Variants in EXT1 observed in about 807,000 individuals in gnomAD.
The protein encoded by EXT1 is exostosin glycosyltransferase 1.
EXT1 carries 20 observed loss-of-function variants against 82.5 expected under a neutral mutation model. That is an observed-to-expected ratio of 0.24 (90% confidence interval 0.17 to 0.35). The LOEUF (loss-of-function observed/expected upper bound fraction) is 0.35, where lower values mean the gene tolerates loss of function less well. Ranked by LOEUF, EXT1 falls within the 10% of genes least tolerant of loss-of-function variation. The pLI is 1.00. For missense variants in EXT1, 757 were observed against 936.5 expected (o/e 0.81, Z 2.50); for synonymous variants, 348 against 350.8 (o/e 0.99, Z 0.09).
At chr8:118,041,758 C>A (rs990574717) in intron 1 of EXT1, among the ~76,000 whole-genome samples, 4 of 151,750 alleles carry the variant, frequency 2.6e-5, no homozygotes, top group Non-Finnish European at 5.9e-5. Flanking sequence ...ACCAGCCTGG[C>A]CAACATGGCG....
intron 1 of EXT1, among the ~76,000 whole-genome samples, chr8:117,914,320 C>T (rs1057018137): frequency 1.3e-5 from 2 of 152,142 alleles, no homozygotes; most frequent in Non-Finnish European, 2.9e-5. Flanking sequence ...TGAGGATGTA[C>T]GTCAGGACCA....
intron 1 of EXT1, among the ~76,000 whole-genome samples, chr8:117,878,934 C>T (rs550341288): frequency 5.6e-4 from 85 of 152,302 alleles, no homozygotes; most frequent in African/African-American, 2.0e-3. Context: ...GTGAGACCCA[C>T]GCTGTAGAGC....
intron 1 of EXT1, among the ~76,000 whole-genome samples, chr8:117,948,011 G>T (rs1586303045): frequency 6.6e-6 from 1 of 152,082 alleles, no homozygotes; most frequent in Non-Finnish European, 1.5e-5. Flanking sequence ...GATGAATGAG[G>T]AAATACCTGC....
chr8:117,916,945 A>C (rs999524181), intron 1 of EXT1, among the ~76,000 whole-genome samples: 9 of 152,034 alleles, frequency 5.9e-5, no homozygotes, highest in African/African-American at 2.2e-4. Context: ...AAAGTTTAAC[A>C]ATACCGTTTA....
intron 1 of EXT1, among the ~76,000 whole-genome samples, chr8:117,915,712 C>T (rs886458744): frequency 6.6e-6 from 1 of 151,958 alleles, no homozygotes; most frequent in Non-Finnish European, 1.5e-5. Context: ...GAAAGTTAGC[C>T]GGGCATGGTG....
At chr8:118,100,087 G>A (rs779258629) in intron 1 of EXT1, among the ~76,000 whole-genome samples, 51 of 152,272 alleles carry the variant, frequency 3.3e-4, no homozygotes, top group Non-Finnish European at 6.8e-4. Context: ...AATGCTTACT[G>A]GAAAAGTCAA....
chr8:117,892,213 G>A (rs560669767), intron 1 of EXT1, among the ~76,000 whole-genome samples: 9 of 152,154 alleles, frequency 5.9e-5, no homozygotes, highest in East Asian at 3.9e-4. Context: ...AACATGCAGA[G>A]AAAGATTCCA....
intron 1 of EXT1, among the ~76,000 whole-genome samples, chr8:118,058,195 A>C (rs1210119261): frequency 6.6e-6 from 1 of 152,078 alleles, no homozygotes; most frequent in Non-Finnish European, 1.5e-5. Flanking sequence ...ATATTTTAGC[A>C]GCAGGAAAAA....
In EXT1 at chr8:117,846,548, G is replaced by A. The variant is rs17474755; in HGVS notation, c.963-9347C>T. Among the ~76,000 whole-genome samples, 544 of 152,316 alleles carry A rather than the reference G, an allele frequency of 3.6e-3. 1 individual carries two copies. Among genetic ancestry groups the A allele is most frequent in the African/African-American group, 0.012 (505 of 41,570 alleles). On this transcript the variant is annotated intron_variant, in intron 1 of 10. Coordinates refer to ENST00000378204, the MANE Select transcript of EXT1 (RefSeq NM_000127.3). Reference sequence around the variant, plus strand: ...CTAAATAAAGGGCTACCTGAGTACAGTGGCAGGGAGGGGGTGCAGGGGGAA... The same window carrying A: ...CTAAATAAAGGGCTACCTGAGTACAATGGCAGGGAGGGGGTGCAGGGGGAA...
At chr8:117,945,587 C>T (rs1168019004) in intron 1 of EXT1, among the ~76,000 whole-genome samples, 1 of 151,074 alleles carries the variant, frequency 6.6e-6, no homozygotes, top group East Asian at 1.9e-4. Flanking sequence ...CTGTAACCTC[C>T]GCCTCCCAGG....
At chr8:117,928,945 C>A (rs1484479620) in intron 1 of EXT1, among the ~76,000 whole-genome samples, 1 of 152,120 alleles carries the variant, frequency 6.6e-6, no homozygotes, top group Non-Finnish European at 1.5e-5. Flanking sequence ...CAAAAGCCCA[C>A]GGCCAAATAG....
chr8:117,885,994 C>G (rs1813141308), intron 1 of EXT1, among the ~76,000 whole-genome samples: 1 of 152,136 alleles, frequency 6.6e-6, no homozygotes, highest in Admixed American at 6.5e-5. Context: ...TTTCAAATAC[C>G]AGTTAAAAGT....
chr8:117,840,091 G>A (rs888318865), intron 1 of EXT1, among the ~76,000 whole-genome samples: 9 of 152,178 alleles, frequency 5.9e-5, no homozygotes, highest in Non-Finnish European at 1.2e-4. Context: ...TTAAGTCTCT[G>A]AGAATTGTCC....
At chr8:117,854,645 T>C (rs1812511319) in intron 1 of EXT1, among the ~76,000 whole-genome samples, 1 of 152,218 alleles carries the variant, frequency 6.6e-6, no homozygotes, top group Non-Finnish European at 1.5e-5. Flanking sequence ...ATAATGATGA[T>C]ATAACAGCCA....
At chr8:118,106,805 ACAACT>A (rs1277628408) in intron 1 of EXT1, among the ~76,000 whole-genome samples, 2 of 152,234 alleles carry the variant, frequency 1.3e-5, no homozygotes, top group African/African-American at 2.4e-5. Flanking sequence ...AAGCGTCACT[ACAACT>A]CATCTAATTA....
chr8:118,079,078 T>C (rs1586261075), intron 1 of EXT1, among the ~76,000 whole-genome samples: 1 of 152,170 alleles, frequency 6.6e-6, no homozygotes, highest in African/African-American at 2.4e-5. Flanking sequence ...ATAGACAAGA[T>C]TTTTCATGAG....
In EXT1 at chr8:117,794,868, G is replaced by C. The variant is rs1305118456; in HGVS notation, c.*4844C>G. On this transcript the variant is annotated 3_prime_UTR_variant, in exon 11 of 11. Transcript: ENST00000378204. Reference sequence around the variant, plus strand: ...GCGTTACAATTTGCCACCTAAAATAGTTCCAGTTTTTGATGTCTTTCTTTC... The same window carrying C: ...GCGTTACAATTTGCCACCTAAAATACTTCCAGTTTTTGATGTCTTTCTTTC... 1 of 152,138 alleles carries C rather than the reference G, an allele frequency of 6.6e-6. No homozygotes were observed. The highest frequency in any genetic ancestry group is 1.5e-5 in the Non-Finnish European group (1 of 68,026). The allele number at this position is 152,138 out of a possible 1,614,324, so 9.4% of individuals were successfully genotyped here. A position where few individuals can be genotyped will look rare whatever the true frequency, so the allele number is the denominator to read the frequency against.
chr8:117,912,577 G>A (rs1813671402), intron 1 of EXT1, among the ~76,000 whole-genome samples: 1 of 152,196 alleles, frequency 6.6e-6, no homozygotes, highest in South Asian at 2.1e-4. Context: ...GGGGGCCAGT[G>A]TTCATTCAGC....
chr8:118,071,031 C>T (rs1160450691), intron 1 of EXT1, among the ~76,000 whole-genome samples: 1 of 152,128 alleles, frequency 6.6e-6, no homozygotes, highest in African/African-American at 2.4e-5. Context: ...ACAAAACAGC[C>T]TCTCATTTCT....
Sources: allele counts gnomAD v4.1 joint callset (sites outside exome capture counted in the v4.1 genomes callset), GRCh38; gene constraint gnomAD v4.1.1; transcripts MANE v1.5; gene names NCBI Gene and HGNC (gene_info 2026-07-23, HGNC 2026-07-21).